The following MAGI2 variants were observed in gnomAD, a reference collection of about 807,000 sequenced individuals.
MAGI2 encodes the protein membrane-associated guanylate kinase, WW and PDZ domain-containing protein 2.
Under a neutral mutation model 133.3 loss-of-function variants are expected in MAGI2, and 35 were observed. That is an observed-to-expected ratio of 0.26 (90% CI 0.20 to 0.35). The LOEUF (loss-of-function observed/expected upper bound fraction) is 0.35, where lower values mean the gene tolerates loss of function less well. Among genes scored for constraint, MAGI2 ranks in the 10% least tolerant of loss-of-function variants. The pLI is 1.00. For missense variants in MAGI2, 1,636 were observed against 1,863.4 expected (o/e 0.88, Z 2.25); for synonymous variants, 729 against 710.6 (o/e 1.03, Z -0.41).
Position 78,019,560 on chromosome 7 carries a change from A to C in MAGI2, c.4123T>G (p.Ser1375Ala). The change falls in exon 22 of 22, where the codon TCC becomes GCC. Residue 1375 changes from serine to alanine, a missense_variant. Coordinates refer to ENST00000354212, the MANE Select transcript of MAGI2 (RefSeq NM_012301.4). Reference sequence around the variant, plus strand: ...GGGCCTTCGCGCCGGCAGAGCTCGGAGCCCGCCGCCGCACGGGGCGCCTCC... The same window carrying C: ...GGGCCTTCGCGCCGGCAGAGCTCGGCGCCCGCCGCCGCACGGGGCGCCTCC... ...GKEAPRAAAG[S>A]ELCRREGPGA... 4.1e-6 allele frequency: 4 copies of C among 979,660 alleles called. No individual in the cohort carries two copies. The highest frequency in any genetic ancestry group is 4.8e-6 in the Non-Finnish European group (4 of 827,910). The allele number at this position is 979,660 out of a possible 1,614,324, so 60.7% of individuals were successfully genotyped here.
chr7:79,333,977 G>A (rs977437980), intron 1 of MAGI2, among the ~76,000 whole-genome samples: 3 of 152,086 alleles, frequency 2.0e-5, no homozygotes, highest in Admixed American at 6.6e-5. Flanking sequence ...AAAATATTTA[G>A]TATTTTAGAG....
At chr7:78,364,384 C>T (rs1244023216) in intron 7 of MAGI2, among the ~76,000 whole-genome samples, 2 of 152,132 alleles carry the variant, frequency 1.3e-5, no homozygotes, top group East Asian at 3.9e-4. Context: ...TCCCAACTTG[C>T]TACCTCATGA....
chr7:78,454,489 C>G (rs564747234), intron 6 of MAGI2, among the ~76,000 whole-genome samples: 1 of 152,134 alleles, frequency 6.6e-6, no homozygotes. Context: ...ATTGTACAGC[C>G]TCTTTGGAAG....
chr7:78,685,259 T>A (rs1816151878), intron 2 of MAGI2, among the ~76,000 whole-genome samples: 1 of 152,214 alleles, frequency 6.6e-6, no homozygotes, highest in Admixed American at 6.5e-5. Flanking sequence ...CCCCAAGAGC[T>A]GTCCTTTTTG....
At chr7:78,550,962 C>T (rs1235814483) in intron 3 of MAGI2, among the ~76,000 whole-genome samples, 1 of 151,876 alleles carries the variant, frequency 6.6e-6, no homozygotes, top group Non-Finnish European at 1.5e-5. Context: ...TATATGGATC[C>T]TTGTAAGCCA....
intron 1 of MAGI2, among the ~76,000 whole-genome samples, chr7:79,179,576 T>A (rs1826434319): frequency 6.6e-6 from 1 of 151,922 alleles, no homozygotes; most frequent in South Asian, 2.1e-4. Context: ...TAAAAATAGA[T>A]ATATGGACCA....
At chr7:78,529,292 C>A (rs10271370) in intron 3 of MAGI2, among the ~76,000 whole-genome samples, 40,307 of 151,926 alleles carry the variant, frequency 0.27, 5,997 homozygotes, top group African/African-American at 0.4. Flanking sequence ...TGTCCACAGA[C>A]TGGCTAGGGA....
intron 10 of MAGI2, among the ~76,000 whole-genome samples, chr7:78,213,984 A>G (rs971961573): frequency 1.3e-5 from 2 of 152,180 alleles, no homozygotes; most frequent in African/African-American, 4.8e-5. Context: ...TGGGAGAGTG[A>G]TGTGCATGTG....
chr7:79,262,061 A>G (rs942359319), intron 1 of MAGI2, among the ~76,000 whole-genome samples: 4 of 152,114 alleles, frequency 2.6e-5, no homozygotes, highest in Admixed American at 6.6e-5. Context: ...GTATTTATCA[A>G]TCTTCAATTA....
At chr7:79,026,163 A>T (rs1175454185) in intron 1 of MAGI2, among the ~76,000 whole-genome samples, 1 of 152,196 alleles carries the variant, frequency 6.6e-6, no homozygotes, top group South Asian at 2.1e-4. Context: ...TATGGGAAAA[A>T]TAAAGAATAC....
At chr7:78,856,152 G>T (rs564064438) in intron 2 of MAGI2, among the ~76,000 whole-genome samples, 7 of 152,174 alleles carry the variant, frequency 4.6e-5, no homozygotes, top group African/African-American at 1.7e-4. Context: ...CTGGATATTA[G>T]CCCTTTGTCA....
At chr7:79,190,178 T>C (rs915345381) in intron 1 of MAGI2, among the ~76,000 whole-genome samples, 7 of 151,864 alleles carry the variant, frequency 4.6e-5, no homozygotes, top group African/African-American at 9.7e-5. Context: ...GGTAAGACAA[T>C]GTTAAGCTTT....
chr7:78,571,716 GAAGAAA>G (rs1393300349), intron 3 of MAGI2, among the ~76,000 whole-genome samples: 4 of 151,840 alleles, frequency 2.6e-5, no homozygotes, highest in African/African-American at 9.7e-5. Context: ...AAAATAGGAG[GAAGAAA>G]AAGAAAAAGT....
At chr7:79,025,577 T>TG (rs1809804812) in intron 1 of MAGI2, among the ~76,000 whole-genome samples, 1 of 152,128 alleles carries the variant, frequency 6.6e-6, no homozygotes, top group South Asian at 2.1e-4. Context: ...GTGAAGCAGC[T>TG]GGGGATGCAC....
intron 1 of MAGI2, among the ~76,000 whole-genome samples, chr7:79,139,314 A>G (rs1055850234): frequency 2.0e-5 from 3 of 152,114 alleles, no homozygotes; most frequent in Non-Finnish European, 4.4e-5. Flanking sequence ...CTCATTTACC[A>G]CTCATTAAGT....
At chr7:78,063,941 C>T (rs6954104) in intron 21 of MAGI2, among the ~76,000 whole-genome samples, 42,849 of 151,972 alleles carry the variant, frequency 0.28, 6,505 homozygotes, top group East Asian at 0.47. Flanking sequence ...TGGTGCTTGA[C>T]AGATGCTTAT....
chr7:78,607,341 G>A (rs1008025904), intron 3 of MAGI2, among the ~76,000 whole-genome samples: 1 of 152,000 alleles, frequency 6.6e-6, no homozygotes, highest in African/African-American at 2.4e-5. Flanking sequence ...AAAAGCCTGG[G>A]AATATTATCT....
chr7:79,423,759 A>G (rs2129181418), intron 1 of MAGI2, among the ~76,000 whole-genome samples: 1 of 152,204 alleles, frequency 6.6e-6, no homozygotes, highest in East Asian at 1.9e-4. Context: ...AGTCTGTCCT[A>G]TCTTTAGATT....
chr7:78,215,301 G>A (rs1383188046), intron 10 of MAGI2, among the ~76,000 whole-genome samples: 2 of 152,108 alleles, frequency 1.3e-5, no homozygotes, highest in Non-Finnish European at 2.9e-5. Context: ...CTGCATTCTC[G>A]GTTGTGCCTG....
Sources: gnomAD v4.1 joint callset for allele counts (sites outside exome capture counted in the v4.1 genomes callset) on GRCh38, gnomAD v4.1.1 for gene constraint, MANE v1.5 for transcripts, NCBI Gene and HGNC (gene_info 2026-07-23, HGNC 2026-07-21) for gene names.